CPNE9: variants seen among roughly 807,000 people sequenced by gnomAD.
CPNE9 encodes copine-9.
CPNE9 carries 59 observed loss-of-function variants against 83.0 expected under a neutral mutation model. The ratio of observed to expected loss-of-function variants is 0.71; its 90% CI spans 0.58 to 0.88. CPNE9 has a LOEUF of 0.88. CPNE9 is among the 40% of genes least tolerant of loss of function. The pLI is 0.00. For missense variants in CPNE9, 619 were observed against 720.8 expected (o/e 0.86, Z 1.62); for synonymous variants, 256 against 273.4 (o/e 0.94, Z 0.63).
intron 7 of CPNE9, among the ~76,000 whole-genome samples, chr3:9,709,559 G>A (rs1027353808): frequency 5.3e-5 from 8 of 151,442 alleles, no homozygotes; most frequent in Non-Finnish European, 7.4e-5. Flanking sequence ...TAGTAGAGAC[G>A]GGGTTTCGCC....
intron 7 of CPNE9, among the ~76,000 whole-genome samples, chr3:9,707,696 G>A (rs536041): frequency 6.9e-6 from 1 of 145,814 alleles, no homozygotes; most frequent in South Asian, 2.4e-4. Flanking sequence ...GAGGTGGGAG[G>A]ATCACTTGAG....
intron 17 of CPNE9, among the ~76,000 whole-genome samples, chr3:9,721,943 G>T (rs1298341283): frequency 2.0e-5 from 3 of 151,124 alleles, no homozygotes. Context: ...TTTTGAGATG[G>T]AGTCTTACTC....
chr3:9,708,792 C>A (rs2076589510), intron 7 of CPNE9, among the ~76,000 whole-genome samples: 2 of 151,944 alleles, frequency 1.3e-5, no homozygotes, highest in Admixed American at 1.3e-4. Flanking sequence ...GCCACCATGC[C>A]CGGCTAATTT....
intron 11 of CPNE9, 110 bp from the exon 12 acceptor site, chr3:9,715,179 C>T: frequency 1.6e-6 from 2 of 1,254,426 alleles, no homozygotes; most frequent in East Asian, 2.3e-5. Context: ...CAGCACTAGG[C>T]TGCCCTGCAG....
In CPNE9 at chr3:9,715,546, G is replaced by C. The variant is rs777630117; in HGVS notation, c.822+20G>C. 1 of 1,607,360 alleles carries C rather than the reference G, an allele frequency of 6.2e-7. No individual in the cohort carries two copies. The highest frequency in any genetic ancestry group is 8.5e-7 in the Non-Finnish European group (1 of 1,173,980). ...GGAACTGTGAGTGCTCCCTAGAGCC[G>C]TGGCCCTCCCTGGATCCTTCCGTGT... On this transcript the variant is annotated intron_variant, in intron 13 of 20. Coordinates refer to ENST00000383832, the MANE Select transcript of CPNE9 (RefSeq NM_153635.3).
chr3:9,707,617 G>C (rs1200956571), intron 7 of CPNE9, among the ~76,000 whole-genome samples: 3 of 150,458 alleles, frequency 2.0e-5, no homozygotes, highest in Admixed American at 2.0e-4. Context: ...AACTGAGATA[G>C]TAGGGAAAAA....
chr3:9,726,969 C>A, intron 19 of CPNE9, 144 bp from the exon 20 acceptor site: 1 of 897,074 alleles, frequency 1.1e-6, no homozygotes, highest in East Asian at 2.5e-5. Context: ...AATAATAACT[C>A]CATAACGAAG....
intron 16 of CPNE9, 92 bp from the exon 17 acceptor site, chr3:9,718,383 A>G: frequency 1.3e-6 from 2 of 1,517,422 alleles, no homozygotes; most frequent in Middle Eastern, 2.4e-4. Context: ...CATGAAAGGG[A>G]CTGATGGAAA....
rs908182319 is a variant in CPNE9 at position 9,704,441 on chromosome 3, A to G, written c.69-146A>G. 14 of 771,672 alleles carry G rather than the reference A, an allele frequency of 1.8e-5. No homozygotes were observed. The East Asian group carries it at 2.9e-4, about 16-fold the overall frequency. 47.8% of individuals were successfully genotyped at this position (771,672 alleles called of 1,614,324 possible). ...ATTTCCGGTGCTGTCCAGAGTGCTG[A>G]CAGAGCGGACCCCGGCTGGGGGTAG... is the stretch of plus-strand genomic sequence containing the variant. On this transcript the variant is annotated intron_variant, in intron 1 of 20. Coordinates refer to ENST00000383832, the MANE Select transcript of CPNE9 (RefSeq NM_153635.3). The surrounding 1 kb of genome is among the most constrained non-coding windows in gnomAD (Gnocchi z 7.1).
chr3:9,717,908 G>A (rs1021461743), intron 15 of CPNE9, 121 bp from the exon 16 acceptor site: 2 of 752,452 alleles, frequency 2.7e-6, no homozygotes. Flanking sequence ...AAAATAAGGA[G>A]GGAGGACATG....
intron 17 of CPNE9, among the ~76,000 whole-genome samples, 183 bp from the exon 18 acceptor site, chr3:9,725,766 T>C (rs2076779363): frequency 6.6e-6 from 1 of 151,384 alleles, no homozygotes; most frequent in African/African-American, 2.4e-5. Context: ...TGTATATATA[T>C]GGATATATAC....
Position 9,704,335 on chromosome 3 carries a change from G to A in CPNE9, c.69-252G>A, listed in dbSNP as rs2076537691. Among the ~76,000 whole-genome samples, 1 of 152,222 alleles carries A rather than the reference G, an allele frequency of 6.6e-6. No homozygotes were observed. The highest frequency in any genetic ancestry group is 1.5e-5 in the Non-Finnish European group (1 of 68,046). Reference sequence around the variant, plus strand: ...GGCCCCAGGAGGACAAAGTTCTGGGGCGAGCCCTCTTTCCTGGGCCCTTGG... The same window carrying A: ...GGCCCCAGGAGGACAAAGTTCTGGGACGAGCCCTCTTTCCTGGGCCCTTGG... On this transcript the variant is annotated intron_variant, in intron 1 of 20. Coordinates refer to ENST00000383832, the MANE Select transcript of CPNE9 (RefSeq NM_153635.3). This position sits in a 1 kb window ranked among gnomAD's most constrained non-coding sequence, Gnocchi z 7.1.
intron 14 of CPNE9, 93 bp from the exon 15 acceptor site, chr3:9,716,965 C>A (rs2076689146): frequency 2.3e-6 from 3 of 1,322,868 alleles, no homozygotes; most frequent in African/African-American, 1.4e-5. Context: ...TTAACATGAG[C>A]CCCACGTGAT....
intron 10 of CPNE9, among the ~76,000 whole-genome samples, chr3:9,713,355 T>C (rs1478546429): frequency 6.6e-6 from 1 of 152,124 alleles, no homozygotes; most frequent in African/African-American, 2.4e-5. Context: ...GATACATGGA[T>C]GGATCGTTGG....
At position 9,723,236 on chromosome 3, in the gene CPNE9, C is replaced by T. The variant is rs1471182145; in HGVS notation, c.1242-2713C>T. Among the ~76,000 whole-genome samples the T allele has an allele frequency of 2.0e-5, 3 of 152,278 alleles. No individual in the cohort carries two copies. In the East Asian group the frequency reaches 5.8e-4, roughly 29 times the overall value. On this transcript the variant is annotated intron_variant, in intron 17 of 20. Transcript: ENST00000383832. ...CCTGTAATCCCAGCACTTTGGGAGG[C>T]CGAGGCGGGCGGATCACTTGAGGTC... is the stretch of plus-strand genomic sequence containing the variant.
At position 9,706,039 on chromosome 3, in the gene CPNE9, G is replaced by A. The variant is rs778957450; in HGVS notation, c.353G>A (p.Gly118Asp). Residue 118 changes from glycine (G) to aspartate (D), a missense_variant, in exon 7 of 21, where the codon GGC becomes GAC. Gly to Asp is a moderately conservative substitution (Grantham distance 94, BLOSUM62 -1). Transcript: ENST00000383832. Reference sequence around the variant, plus strand: ...CTGGGAGAGGTGATTGGAGGCCAGGGCAGCCGAGTAGAGCGAACCCTCACG... The same window carrying A: ...CTGGGAGAGGTGATTGGAGGCCAGGACAGCCGAGTAGAGCGAACCCTCACG... ...LALGEVIGGQ[G>D]SRVERTLTGV... 1 of 1,613,598 alleles carries A rather than the reference G, an allele frequency of 6.2e-7. No individual in the cohort carries two copies. Among genetic ancestry groups the A allele is most frequent in the Non-Finnish European group, 8.5e-7 (1 of 1,179,986 alleles).
At chr3:9,726,087 A>T in intron 18 of CPNE9, 36 bp downstream of exon 18, 1 of 1,360,862 alleles carries the variant, frequency 7.3e-7, no homozygotes, top group East Asian at 2.5e-5. Flanking sequence ...AGGGAGGAGT[A>T]ATGTCAATAC....
intron 17 of CPNE9, among the ~76,000 whole-genome samples, chr3:9,723,960 T>G (rs1314719881): frequency 6.6e-6 from 1 of 152,240 alleles, no homozygotes. Flanking sequence ...GTTCTGTATC[T>G]GTGCAGGCCA....
rs932652915 is a variant in CPNE9 at position 9,704,460 on chromosome 3, G to C, written c.69-127G>C. On this transcript the variant is annotated intron_variant, in intron 1 of 20. Transcript: ENST00000383832. The surrounding 1 kb of genome is among the most constrained non-coding windows in gnomAD (Gnocchi z 7.1). ...GTGCTGACAGAGCGGACCCCGGCTGGGGGTAGCCATGGGGGACAGAGGTTC... is the reference window on the plus strand; with the variant it reads ...GTGCTGACAGAGCGGACCCCGGCTGCGGGTAGCCATGGGGGACAGAGGTTC... The C allele has an allele frequency of 1.2e-6, 1 of 839,728 alleles. No individual in the cohort carries two copies. Among genetic ancestry groups the C allele is most frequent in the Non-Finnish European group, 2.1e-6 (1 of 478,448 alleles). The allele number at this position is 839,728 out of a possible 1,614,324, so 52.0% of individuals were successfully genotyped here. A position where few individuals can be genotyped will look rare whatever the true frequency, so the allele number is the denominator to read the frequency against.
Sources: allele counts gnomAD v4.1 joint callset (sites outside exome capture counted in the v4.1 genomes callset), GRCh38; gene constraint gnomAD v4.1.1; non-coding constraint Gnocchi (gnomAD v3.1); transcripts MANE v1.5; gene names NCBI Gene and HGNC (gene_info 2026-07-23, HGNC 2026-07-21).